The following IQGAP2 variants were observed in gnomAD, a reference collection of about 807,000 sequenced individuals.
IQGAP2 encodes the protein IQ motif containing GTPase activating protein 2, also known as ras GTPase-activating-like protein IQGAP2.
IQGAP2 carries 173 observed loss-of-function variants against 201.3 expected under a neutral mutation model. That is an observed-to-expected ratio of 0.86 (90% CI 0.76 to 0.98). IQGAP2 has a LOEUF of 0.98. Ranked by LOEUF, IQGAP2 falls within the 50% of genes least tolerant of loss-of-function variation. IQGAP2 has a pLI of 0.00. For missense variants in IQGAP2, 1,687 were observed against 1,864.8 expected, an observed-to-expected ratio of 0.90 and a Z score of 1.76; for synonymous variants, 675 against 673.9, an observed-to-expected ratio of 1.00 and a Z score of -0.03.
intron 11 of IQGAP2, 141 bp from the exon 12 acceptor site, chr5:76,606,038 A>G: frequency 1.6e-6 from 1 of 611,462 alleles, no homozygotes. Flanking sequence ...TGACAGAGCT[A>G]CACAAGACAA....
intron 27 of IQGAP2, 127 bp downstream of exon 27, chr5:76,674,836 AC>A: frequency 1.5e-6 from 1 of 671,228 alleles, no homozygotes; most frequent in Non-Finnish European, 2.6e-6. Context: ...CATTTCTTCT[AC>A]CAGCCACTGG....
At chr5:76,668,530 A>G in intron 22 of IQGAP2, 151 bp from the exon 23 acceptor site, 1 of 607,534 alleles carries the variant, frequency 1.6e-6, no homozygotes. Context: ...TACCTGGCAT[A>G]TAAAAATTAT....
intron 1 of IQGAP2, among the ~76,000 whole-genome samples, chr5:76,412,096 A>C (rs923430687): frequency 2.0e-5 from 3 of 152,146 alleles, no homozygotes; most frequent in Admixed American, 6.5e-5. Flanking sequence ...GAACTGTTGA[A>C]TATGTTAGCA....
chr5:76,428,738 C>T (rs1205106837), intron 1 of IQGAP2, among the ~76,000 whole-genome samples: 1 of 150,410 alleles, frequency 6.6e-6, no homozygotes, highest in East Asian at 2.0e-4. Flanking sequence ...TACCCTGAAT[C>T]TTAATCTGTA....
At chr5:76,484,068 T>G (rs2150147783) in intron 2 of IQGAP2, among the ~76,000 whole-genome samples, 1 of 152,074 alleles carries the variant, frequency 6.6e-6, no homozygotes, top group South Asian at 2.1e-4. Flanking sequence ...TGTTCATTTT[T>G]TTTTTTCCTG....
At chr5:76,650,999 T>C (rs1752476448) in intron 17 of IQGAP2, among the ~76,000 whole-genome samples, 1 of 152,200 alleles carries the variant, frequency 6.6e-6, no homozygotes, top group Non-Finnish European at 1.5e-5. Flanking sequence ...AAAGGCTAAA[T>C]AATTTTAAAT....
intron 2 of IQGAP2, among the ~76,000 whole-genome samples, chr5:76,545,627 GT>G (rs10706088): frequency 0.35 from 52,760 of 151,866 alleles, 9,614 homozygotes; most frequent in East Asian, 0.64. Flanking sequence ...CTGTTCCTTA[GT>G]TTTTTTTACT....
chr5:76,679,193 G>C lies in IQGAP2; in HGVS notation c.3660+1843G>C, dbSNP rs114873593. On this transcript the variant is annotated intron_variant, in intron 28 of 35. Transcript: ENST00000274364. ...CCACATGCGAAAAAAATGGTGGGGA[G>C]TACTTGTTTAGAGTGAGAGATTCTT... Among the ~76,000 whole-genome samples the C allele has an allele frequency of 5.6e-3, 854 of 152,336 alleles. 8 individuals are homozygous for C. The highest frequency in any genetic ancestry group is 0.019 in the African/African-American group (784 of 41,584).
chr5:76,636,835 C>G (rs536193869), intron 15 of IQGAP2, among the ~76,000 whole-genome samples, 199 bp from the exon 16 acceptor site: 1 of 152,332 alleles, frequency 6.6e-6, no homozygotes, highest in African/African-American at 2.4e-5. Context: ...ATTTGTGTCT[C>G]TTCCTTTTCT....
intron 2 of IQGAP2, among the ~76,000 whole-genome samples, chr5:76,476,329 A>G (rs1374886230): frequency 2.6e-5 from 4 of 152,172 alleles, no homozygotes; most frequent in Non-Finnish European, 4.4e-5. Context: ...TGAAGCCCTG[A>G]GAAGTGAGGT....
intron 1 of IQGAP2, among the ~76,000 whole-genome samples, chr5:76,459,724 C>T (rs139117921): frequency 0.11 from 16,486 of 152,056 alleles, 1,035 homozygotes; most frequent in African/African-American, 0.18. Flanking sequence ...CTGCAACCTC[C>T]GCCTCCTGGG....
At position 76,576,736 on chromosome 5, in the gene IQGAP2, G is replaced by T. The variant is rs1163225035; in HGVS notation, c.458+967G>T. 2.0e-5 allele frequency among the ~76,000 whole-genome samples: 3 copies of T among 152,276 alleles called. No homozygotes were observed. In the East Asian group the frequency reaches 5.8e-4, roughly 29 times the overall value. On this transcript the variant is annotated intron_variant, in intron 5 of 35. Transcript: ENST00000274364. ...ACTTTTTCCCCCAGTCAGTACTTAT[G>T]GGATTGCTTTGGAAGATGACAGTTG...
chr5:76,692,452 C>CT (rs1491565511), intron 30 of IQGAP2, among the ~76,000 whole-genome samples: 1 of 151,980 alleles, frequency 6.6e-6, no homozygotes, highest in African/African-American at 2.4e-5. Flanking sequence ...GCGCCTGGCC[C>CT]TTTTTTTTCT....
Position 76,650,909 on chromosome 5 carries a change from ATACT to A in IQGAP2, c.2095-1838_2095-1835del, listed in dbSNP as rs796080591. ...TATTACAAACAATGCTGTGACAAAA[ATACT>A]TATATATGGGGCTTTTCTACACAGG... On this transcript the variant is annotated intron_variant, in intron 17 of 35. Transcript: ENST00000274364. 2.6e-4 allele frequency among the ~76,000 whole-genome samples: 39 copies of A among 152,302 alleles called. 2 individuals are homozygous for A. The highest frequency in any genetic ancestry group is 8.4e-4 in the African/African-American group (35 of 41,560).
At chr5:76,689,944 G>C (rs1366956821) in intron 30 of IQGAP2, among the ~76,000 whole-genome samples, 1 of 152,172 alleles carries the variant, frequency 6.6e-6, no homozygotes, top group Non-Finnish European at 1.5e-5. Context: ...CAGCTTACAA[G>C]CGCCGTATGG....
At chr5:76,539,546 G>A (rs538185105) in intron 2 of IQGAP2, among the ~76,000 whole-genome samples, 3 of 152,270 alleles carry the variant, frequency 2.0e-5, no homozygotes, top group South Asian at 4.1e-4. Context: ...AGGTATCCTA[G>A]TCTCTCCTAG....
At chr5:76,679,344 C>T (rs1261309152) in intron 28 of IQGAP2, among the ~76,000 whole-genome samples, 5 of 152,142 alleles carry the variant, frequency 3.3e-5, no homozygotes, top group African/African-American at 1.2e-4. Context: ...GGAAAGAGAG[C>T]TTGTGACTGA....
At chr5:76,532,947 G>A (rs1440138075) in intron 2 of IQGAP2, among the ~76,000 whole-genome samples, 1 of 152,218 alleles carries the variant, frequency 6.6e-6, no homozygotes, top group East Asian at 1.9e-4. Context: ...TAATGGTGGA[G>A]CACTCAAATC....
intron 2 of IQGAP2, among the ~76,000 whole-genome samples, chr5:76,560,766 C>T (rs1744310017): frequency 6.6e-6 from 1 of 152,124 alleles, no homozygotes; most frequent in East Asian, 1.9e-4. Context: ...TCTTTGAAGG[C>T]AAGGCTTATG....
Sources: gnomAD v4.1 joint callset for allele counts (sites outside exome capture counted in the v4.1 genomes callset) on GRCh38, gnomAD v4.1.1 for gene constraint, MANE v1.5 for transcripts, NCBI Gene and HGNC (gene_info 2026-07-23, HGNC 2026-07-21) for gene names.